Variants in DMC1 observed in about 807,000 individuals in gnomAD.
DMC1 encodes meiotic recombination protein DMC1 homolog.
In DMC1, 27 loss-of-function variants were observed where a neutral mutation model predicts 50.1. That is an observed-to-expected ratio of 0.54 (90% CI 0.40 to 0.74). DMC1 has a LOEUF of 0.74. Ranked by LOEUF, DMC1 falls within the 30% of genes least tolerant of loss-of-function variation. DMC1 has a pLI of 0.00. For missense variants in DMC1, 295 were observed against 420.2 expected, an observed-to-expected ratio of 0.70 and a Z score of 2.60; for synonymous variants, 148 against 136.1, an observed-to-expected ratio of 1.09 and a Z score of -0.61.
intron 8 of DMC1, chr22:38,549,213 C>T (rs2090376919): frequency 6.6e-6 from 1 of 152,250 alleles, no homozygotes; most frequent in African/African-American, 2.4e-5. Flanking sequence ...ATACCTTACA[C>T]TTTAATTAAA....
In DMC1 at chr22:38,521,724, G is replaced by A; in HGVS notation, c.837C>T (p.Thr279=). 6.3e-7 allele frequency: 1 copy of A among 1,599,180 alleles called. No individual in the cohort carries two copies. The highest frequency in any genetic ancestry group is 8.6e-7 in the Non-Finnish European group (1 of 1,166,494). The change falls in exon 13 of 14, where the codon ACC becomes ACT. Residue 279 remains threonine, a splice_region_variant and synonymous_variant. Coordinates refer to ENST00000216024, the MANE Select transcript of DMC1 (RefSeq NM_007068.4). ...TGGGTTTTTTGGGATCTGCCTGAAAGCTGAATTAATAAAATACTCTTTCAG... is the reference window on the plus strand; with the variant it reads ...TGGGTTTTTTGGGATCTGCCTGAAAACTGAATTAATAAAATACTCTTTCAG... ...QMTADPGATM[T]FQADPKKPIG...
At chr22:38,559,458 C>T (rs1010962069) in intron 5 of DMC1, among the ~76,000 whole-genome samples, 2 of 152,088 alleles carry the variant, frequency 1.3e-5, no homozygotes, top group African/African-American at 4.8e-5. Flanking sequence ...TGTGGGCCAC[C>T]GTGCCCTGCC....
intron 5 of DMC1, among the ~76,000 whole-genome samples, chr22:38,558,738 A>T (rs2090494954): frequency 6.6e-6 from 1 of 152,130 alleles, no homozygotes; most frequent in African/African-American, 2.4e-5. Flanking sequence ...CAACAAAAAA[A>T]AACCTAGCTC....
chr22:38,568,475 ATG>A (rs368751544), intron 1 of DMC1, 186 bp from the exon 2 acceptor site: 670 of 526,060 alleles, frequency 1.3e-3, no homozygotes, highest in Middle Eastern at 2.9e-3. Context: ...GTGTGTGTGC[ATG>A]TGTGTGTGTG....
At chr22:38,546,290 TGAG>T (rs1337001133) in intron 8 of DMC1, among the ~76,000 whole-genome samples, 1 of 87,996 alleles carries the variant, frequency 1.1e-5, no homozygotes, top group East Asian at 2.9e-4. Flanking sequence ...CTCGGGAGGC[TGAG>T]GAGGAGAATC....
At chr22:38,568,584 A>G (rs2090605907) in intron 1 of DMC1, among the ~76,000 whole-genome samples, 1 of 152,102 alleles carries the variant, frequency 6.6e-6, no homozygotes, top group Non-Finnish European at 1.5e-5. Flanking sequence ...TCTGGTTTCC[A>G]TTGCACAGCT....
chr22:38,563,825 G>A (rs1442839229), intron 4 of DMC1, among the ~76,000 whole-genome samples: 4 of 151,566 alleles, frequency 2.6e-5, no homozygotes, highest in South Asian at 2.1e-4. Flanking sequence ...TCAGCCTCCC[G>A]AGTAGCTGGG....
chr22:38,569,259 G>T (rs1372300235), intron 1 of DMC1: 1 of 151,432 alleles, frequency 6.6e-6, no homozygotes, highest in Non-Finnish European at 1.5e-5. Flanking sequence ...TAACATTGTA[G>T]ACTCAAAAAG....
At position 38,519,773 on chromosome 22, in the gene DMC1, C is replaced by T. The variant is rs988143558; in HGVS notation, c.*247G>A. Reference sequence around the variant, plus strand: ...AGGTATATATATCTACTATATATGTCAGGTATACACACACAAACACACACA... The same window carrying T: ...AGGTATATATATCTACTATATATGTTAGGTATACACACACAAACACACACA... On this transcript the variant is annotated 3_prime_UTR_variant, in exon 14 of 14. Transcript: ENST00000216024. 4 of 449,652 alleles carry T rather than the reference C, an allele frequency of 8.9e-6. No individual in the cohort carries two copies. Among genetic ancestry groups the T allele is most frequent in the Non-Finnish European group, 1.6e-5 (4 of 243,052 alleles). The allele number at this position is 449,652 out of a possible 1,614,324, so 27.9% of individuals were successfully genotyped here.
At chr22:38,516,099 C>T (rs2089974894), downstream of DMC1, among the ~76,000 whole-genome samples, 1 of 152,160 alleles carries the variant, frequency 6.6e-6, no homozygotes, top group Non-Finnish European at 1.5e-5. Context: ...TGAACCCCGG[C>T]CTAGAAAAGC....
chr22:38,564,767 A>G (rs2146021176), intron 4 of DMC1, among the ~76,000 whole-genome samples: 1 of 152,346 alleles, frequency 6.6e-6, no homozygotes, highest in South Asian at 2.1e-4. Context: ...CTCTAATGTC[A>G]TAGAGCAGTT....
chr22:38,535,239 C>T (rs889212033), intron 12 of DMC1, among the ~76,000 whole-genome samples: 10 of 151,042 alleles, frequency 6.6e-5, no homozygotes, highest in African/African-American at 2.4e-4. Context: ...GCGGAGACTG[C>T]AGTGAGCTGG....
intron 12 of DMC1, among the ~76,000 whole-genome samples, chr22:38,522,829 T>C (rs1716349095): frequency 6.6e-6 from 1 of 152,198 alleles, no homozygotes; most frequent in African/African-American, 2.4e-5. Context: ...ATATTTAGAC[T>C]GTAGGTTGGT....
At chr22:38,544,521 C>G (rs1287102516) in intron 8 of DMC1, among the ~76,000 whole-genome samples, 7 of 152,198 alleles carry the variant, frequency 4.6e-5, no homozygotes, top group Non-Finnish European at 8.8e-5. Flanking sequence ...TCTCATGTCT[C>G]CCAAAATGTG....
intron 8 of DMC1, among the ~76,000 whole-genome samples, chr22:38,540,297 C>T (rs192404206): frequency 1.1e-3 from 160 of 152,232 alleles, no homozygotes; most frequent in Non-Finnish European, 1.9e-3. Flanking sequence ...ATGCCTGCCT[C>T]GGCCTCCCAA....
downstream of DMC1, among the ~76,000 whole-genome samples, chr22:38,518,591 CTCTAT>C (rs2089992592): frequency 6.6e-6 from 1 of 151,046 alleles, no homozygotes; most frequent in Non-Finnish European, 1.5e-5. Context: ...AGTGCAGTGG[CTCTAT>C]CTTGGCTCAA....
chr22:38,533,211 T>C (rs932157716), intron 12 of DMC1, among the ~76,000 whole-genome samples: 9 of 151,362 alleles, frequency 5.9e-5, no homozygotes, highest in African/African-American at 1.9e-4. Flanking sequence ...GCTAACACGG[T>C]GAAACCCCGT....
intron 9 of DMC1, 127 bp downstream of exon 9, chr22:38,539,194 A>C: frequency 1.4e-6 from 1 of 700,188 alleles, no homozygotes; most frequent in Non-Finnish European, 2.5e-6. Context: ...AAATTTATAG[A>C]CTGAGTAAAT....
At chr22:38,512,597 G>A in the DMC1 span, among the ~76,000 whole-genome samples, 6 of 152,132 alleles carry the variant, frequency 3.9e-5, no homozygotes, top group Non-Finnish European at 4.4e-5. Context: ...GAAGCCTGGC[G>A]TAGGAAAGCA....
Sources: allele counts gnomAD v4.1 joint callset (sites outside exome capture counted in the v4.1 genomes callset), GRCh38; gene constraint gnomAD v4.1.1; transcripts MANE v1.5; gene names NCBI Gene and HGNC (gene_info 2026-07-23, HGNC 2026-07-21).